The following RGS7BP variants were observed in gnomAD, a reference collection of about 807,000 sequenced individuals.
The protein encoded by RGS7BP is regulator of G protein signaling 7 binding protein, also known as regulator of G protein signaling 7-binding protein.
In RGS7BP, 9 loss-of-function variants were observed where a neutral mutation model predicts 31.3. The observed-to-expected ratio is 0.29, with a 90% CI of 0.17 to 0.50. RGS7BP has a LOEUF of 0.50. RGS7BP is among the 20% of genes least tolerant of loss of function. The probability of loss-of-function intolerance (pLI) is 0.98; values close to 1 mark genes in which losing one functional copy is unlikely to be tolerated. For synonymous variants in RGS7BP, 115 were observed against 120.1 expected (o/e 0.96, Z 0.28); for missense variants, 274 against 322.0 (o/e 0.85, Z 1.14).
At chr5:64,515,590 TAC>T (rs1748950408) in intron 2 of RGS7BP, among the ~76,000 whole-genome samples, 1 of 152,102 alleles carries the variant, frequency 6.6e-6, no homozygotes, top group Non-Finnish European at 1.5e-5. Flanking sequence ...GAAAGACAAC[TAC>T]ACAAAGCACA....
At position 64,609,193 on chromosome 5, in the gene RGS7BP, C is replaced by T; in HGVS notation, c.715C>T (p.Pro239Ser). Residue 239 changes from proline (P) to serine (S), a missense_variant, in exon 6 of 6, where the codon CCC becomes TCC. Physicochemically the swap from Pro to Ser is moderately conservative, Grantham distance 74 (BLOSUM62 -1). Around this residue, in one of 3 missense-constraint regions of RGS7BP, gnomAD observed 112 missense variants for 130.9 expected, o/e 0.86. Transcript: ENST00000334025. ...DSSLLNLTPY[P>S]LVRRRKRRFF... ...CAGCCTTCTGAATCTAACTCCCTAC[C>T]CCCTGGTGAGAAGACGGAAGAGAAG... is the stretch of plus-strand genomic sequence containing the variant. 1.2e-6 allele frequency: 2 copies of T among 1,611,366 alleles called. No individual in the cohort carries two copies. The highest frequency in any genetic ancestry group is 1.7e-6 in the Non-Finnish European group (2 of 1,177,852).
At chr5:64,513,669 G>A (rs543980847) in intron 2 of RGS7BP, among the ~76,000 whole-genome samples, 135 of 152,328 alleles carry the variant, frequency 8.9e-4, no homozygotes, top group East Asian at 7.3e-3. Flanking sequence ...TGATCCACAC[G>A]GTGGAGGAGG....
intron 3 of RGS7BP, among the ~76,000 whole-genome samples, chr5:64,589,248 A>C (rs1411398270): frequency 6.6e-6 from 1 of 152,098 alleles, no homozygotes; most frequent in Non-Finnish European, 1.5e-5. Flanking sequence ...GTGAGCTGAG[A>C]TCACAACATT....
At chr5:64,594,140 AAGGCTGGATCAAGGTC>A (rs1742997277) in intron 3 of RGS7BP, among the ~76,000 whole-genome samples, 1 of 152,144 alleles carries the variant, frequency 6.6e-6, no homozygotes. Context: ...TCAGCGGTGT[AAGGCTGGATCAAGGTC>A]AGGCTTTCTC....
intron 3 of RGS7BP, among the ~76,000 whole-genome samples, chr5:64,576,662 A>T (rs1439223734): frequency 6.6e-6 from 1 of 152,180 alleles, no homozygotes; most frequent in African/African-American, 2.4e-5. Flanking sequence ...GATAGCGGGG[A>T]GGAATTCCAT....
At chr5:64,542,478 T>C (rs916283924) in intron 2 of RGS7BP, among the ~76,000 whole-genome samples, 2 of 152,220 alleles carry the variant, frequency 1.3e-5, no homozygotes, top group Non-Finnish European at 2.9e-5. Flanking sequence ...CATAAATCCA[T>C]AAACTACCAC....
intron 2 of RGS7BP, among the ~76,000 whole-genome samples, chr5:64,518,695 G>A (rs1749035374): frequency 6.6e-6 from 1 of 152,106 alleles, no homozygotes; most frequent in African/African-American, 2.4e-5. Context: ...AGACATCAGT[G>A]ACTTAAACAT....
At chr5:64,521,200 T>G (rs926521235) in intron 2 of RGS7BP, among the ~76,000 whole-genome samples, 6 of 152,170 alleles carry the variant, frequency 3.9e-5, no homozygotes, top group African/African-American at 1.4e-4. Flanking sequence ...TTATTTCCAG[T>G]CTTGCCATCC....
At position 64,529,550 on chromosome 5, in the gene RGS7BP, C is replaced by T. The variant is rs116429416; in HGVS notation, c.332+21673C>T. Among the ~76,000 whole-genome samples the T allele has an allele frequency of 3.6e-3, 547 of 152,242 alleles. 4 individuals carry two copies. Among genetic ancestry groups the T allele is most frequent in the African/African-American group, 0.013 (533 of 41,528 alleles). On this transcript the variant is annotated intron_variant, in intron 2 of 5. Coordinates refer to ENST00000334025, the MANE Select transcript of RGS7BP (RefSeq NM_001029875.3). Reference sequence around the variant, plus strand: ...AAGCTTGTGATGCCCATTGGAATCGCCTGGGGAGCCTAAAAAAATGCCAAT... The same window carrying T: ...AAGCTTGTGATGCCCATTGGAATCGTCTGGGGAGCCTAAAAAAATGCCAAT...
intron 2 of RGS7BP, among the ~76,000 whole-genome samples, chr5:64,526,114 G>A (rs561714180): frequency 7.9e-5 from 12 of 152,196 alleles, no homozygotes; most frequent in Admixed American, 2.0e-4. Context: ...TACGGGTGAC[G>A]TCAGCCAGAG....
intron 3 of RGS7BP, among the ~76,000 whole-genome samples, chr5:64,584,130 G>A (rs1400635610): frequency 1.3e-5 from 2 of 152,158 alleles, no homozygotes; most frequent in African/African-American, 4.8e-5. Context: ...AAGGGCAGGA[G>A]GGCATATCAA....
intron 2 of RGS7BP, among the ~76,000 whole-genome samples, chr5:64,532,827 G>A (rs1171817084): frequency 1.3e-5 from 2 of 151,882 alleles, no homozygotes; most frequent in Non-Finnish European, 2.9e-5. Flanking sequence ...GGTAGCGGAG[G>A]GCCTGTCCCA....
At chr5:64,562,512 C>T (rs1223742777) in intron 2 of RGS7BP, among the ~76,000 whole-genome samples, 1 of 152,096 alleles carries the variant, frequency 6.6e-6, no homozygotes, top group African/African-American at 2.4e-5. Flanking sequence ...CCAGGGAGGG[C>T]TTTCTGACTC....
chr5:64,596,063 A>C (rs1397743110), intron 4 of RGS7BP, among the ~76,000 whole-genome samples: 9 of 152,228 alleles, frequency 5.9e-5, no homozygotes, highest in African/African-American at 2.2e-4. Context: ...CAGGGAAAAA[A>C]ATATCTGCTG....
chr5:64,609,456 A>T lies in RGS7BP; in HGVS notation c.*204A>T. ...TCAAGAAAAAAAAGAACAGATTCAA[A>T]AACCAGGCTGTTTTTAAAAGGGAAT... On this transcript the variant is annotated 3_prime_UTR_variant, in exon 6 of 6. Transcript: ENST00000334025. 1 of 545,222 alleles carries T rather than the reference A, an allele frequency of 1.8e-6. No individual in the cohort carries two copies. The highest frequency in any genetic ancestry group is 2.9e-5 in the East Asian group (1 of 34,398). 33.8% of individuals were successfully genotyped at this position (545,222 alleles called of 1,614,324 possible).
At chr5:64,580,842 T>C (rs1379510073) in intron 3 of RGS7BP, among the ~76,000 whole-genome samples, 1 of 152,198 alleles carries the variant, frequency 6.6e-6, no homozygotes, top group Non-Finnish European at 1.5e-5. Flanking sequence ...AGGGGAATTT[T>C]GGCTCACATT....
chr5:64,540,876 C>T (rs565267629), intron 2 of RGS7BP, among the ~76,000 whole-genome samples: 1 of 152,268 alleles, frequency 6.6e-6, no homozygotes, highest in South Asian at 2.1e-4. Flanking sequence ...AGCCCCTGAG[C>T]AAAGATGACC....
intron 2 of RGS7BP, among the ~76,000 whole-genome samples, chr5:64,524,917 G>T (rs911352591): frequency 6.6e-6 from 1 of 152,008 alleles, no homozygotes; most frequent in Admixed American, 6.6e-5. Context: ...CCCCAGAGTG[G>T]GTGGGTTATA....
At chr5:64,536,522 TC>T (rs1428411504) in intron 2 of RGS7BP, among the ~76,000 whole-genome samples, 1 of 152,208 alleles carries the variant, frequency 6.6e-6, no homozygotes, top group Non-Finnish European at 1.5e-5. Context: ...TTTACATGTA[TC>T]CCTGCAATTC....
Sources: allele counts gnomAD v4.1 joint callset (sites outside exome capture counted in the v4.1 genomes callset), GRCh38; gene constraint gnomAD v4.1.1; regional missense constraint gnomAD v4.1.1; transcripts MANE v1.5; gene names NCBI Gene and HGNC (gene_info 2026-07-23, HGNC 2026-07-21).